UGGT2: variants seen among roughly 807,000 people sequenced by gnomAD.
UGGT2 encodes the protein UDP-glucose glycoprotein glucosyltransferase 2, also known as UDP-glucose:glycoprotein glucosyltransferase 2.
A neutral mutation model predicts 192.1 loss-of-function variants in UGGT2; 180 were observed. The observed-to-expected ratio is 0.94, with a 90% CI of 0.83 to 1.06. The LOEUF is 1.06. Ranked by LOEUF, UGGT2 falls within the 50% of genes least tolerant of loss-of-function variation. The pLI is 0.00. For missense variants in UGGT2, 1,849 were observed against 1,795.7 expected (o/e 1.03, Z -0.54); for synonymous variants, 580 against 591.0 (o/e 0.98, Z 0.27).
chr13:95,801,983 G>GATGTCT (rs1156462755), intron 38 of UGGT2, among the ~76,000 whole-genome samples, 171 bp from the exon 39 acceptor site: 1 of 152,160 alleles, frequency 6.6e-6, no homozygotes, highest in Non-Finnish European at 1.5e-5. Context: ...TGTACACTGT[G>GATGTCT]ATGTCTATTA....
intron 20 of UGGT2, among the ~76,000 whole-genome samples, chr13:95,915,575 C>T (rs964505935): frequency 6.6e-6 from 1 of 152,206 alleles, no homozygotes; most frequent in Non-Finnish European, 1.5e-5. Flanking sequence ...AAAAAATACA[C>T]TTATCCCTGT....
intron 37 of UGGT2, 75 bp downstream of exon 37, chr13:95,837,011 T>G: frequency 1.7e-6 from 2 of 1,188,786 alleles, no homozygotes; most frequent in Non-Finnish European, 2.5e-6. Flanking sequence ...ACTCCCTTTG[T>G]AAAACAGAAA....
intron 37 of UGGT2, among the ~76,000 whole-genome samples, chr13:95,833,503 G>A (rs924033563): frequency 2.0e-5 from 3 of 151,844 alleles, no homozygotes; most frequent in African/African-American, 7.3e-5. Context: ...GTGTGTGTAG[G>A]GTGTGTAGCT....
intron 4 of UGGT2, among the ~76,000 whole-genome samples, chr13:96,018,183 G>T (rs959965497): frequency 1.3e-5 from 2 of 152,044 alleles, no homozygotes; most frequent in East Asian, 3.9e-4. Flanking sequence ...AAAATCTATG[G>T]TCTGGAACTG....
chr13:95,886,556 T>A (rs1566638591), intron 26 of UGGT2, among the ~76,000 whole-genome samples: 1 of 152,168 alleles, frequency 6.6e-6, no homozygotes. Flanking sequence ...CTAAAAAATT[T>A]AAAGTTTTTG....
chr13:95,968,645 G>A (rs1031107443), intron 12 of UGGT2, among the ~76,000 whole-genome samples: 4 of 152,130 alleles, frequency 2.6e-5, no homozygotes, highest in Admixed American at 6.5e-5. Flanking sequence ...GCCCTCTGCT[G>A]CGAATTAAAG....
intron 20 of UGGT2, among the ~76,000 whole-genome samples, chr13:95,913,194 T>G (rs997192724): frequency 6.6e-6 from 1 of 152,132 alleles, no homozygotes; most frequent in Non-Finnish European, 1.5e-5. Context: ...ACTTCATGAC[T>G]AAAACACCAA....
chr13:95,947,826 A>T (rs1566741781), intron 14 of UGGT2, among the ~76,000 whole-genome samples, 170 bp downstream of exon 14: 1 of 152,188 alleles, frequency 6.6e-6, no homozygotes, highest in African/African-American at 2.4e-5. Context: ...AGATTTGATA[A>T]ACAGAGTCTA....
chr13:95,958,417 C>T (rs1437677755), intron 12 of UGGT2, among the ~76,000 whole-genome samples: 1 of 152,180 alleles, frequency 6.6e-6, no homozygotes, highest in African/African-American at 2.4e-5. Context: ...TCCCAAAGTG[C>T]TAGGATTACA....
At chr13:95,899,085 A>C (rs2140274833) in intron 22 of UGGT2, among the ~76,000 whole-genome samples, 1 of 152,278 alleles carries the variant, frequency 6.6e-6, no homozygotes. Context: ...AAAGAGTTCA[A>C]GACTGAAGGG....
intron 16 of UGGT2, among the ~76,000 whole-genome samples, chr13:95,938,914 TCAC>T (rs1388449348): frequency 1.3e-5 from 2 of 152,102 alleles, no homozygotes; most frequent in Non-Finnish European, 2.9e-5. Context: ...CTAATACATA[TCAC>T]CACACCTACT....
At chr13:96,024,014 C>T (rs192117905) in intron 2 of UGGT2, among the ~76,000 whole-genome samples, 27 of 152,194 alleles carry the variant, frequency 1.8e-4, no homozygotes, top group Admixed American at 1.4e-3. Flanking sequence ...TTGGAAACAC[C>T]AACATTTCAG....
At chr13:95,949,022 G>C (rs973205480) in intron 13 of UGGT2, among the ~76,000 whole-genome samples, 4 of 152,134 alleles carry the variant, frequency 2.6e-5, no homozygotes, top group Non-Finnish European at 5.9e-5. Context: ...GAAGAAGCAC[G>C]TTTGCTTCCC....
At chr13:95,857,999 GT>G (rs71113957) in intron 33 of UGGT2, among the ~76,000 whole-genome samples, 50,150 of 139,572 alleles carry the variant, frequency 0.36, 9,026 homozygotes, top group Non-Finnish European at 0.42. Context: ...TTCTTTTTCT[GT>G]TTTTTTTTTT....
intron 36 of UGGT2, among the ~76,000 whole-genome samples, chr13:95,841,865 A>G (rs972333097): frequency 6.6e-6 from 1 of 152,186 alleles, no homozygotes; most frequent in Admixed American, 6.5e-5. Flanking sequence ...ATTTTTATAT[A>G]TGATGTGAGG....
chr13:95,830,287 A>C (rs1297019062), intron 38 of UGGT2, among the ~76,000 whole-genome samples: 1 of 152,200 alleles, frequency 6.6e-6, no homozygotes, highest in Non-Finnish European at 1.5e-5. Context: ...AATGGGAACT[A>C]ACTAAACTAA....
At chr13:95,930,207 G>T (rs2049199535) in intron 17 of UGGT2, among the ~76,000 whole-genome samples, 1 of 152,054 alleles carries the variant, frequency 6.6e-6, no homozygotes, top group Admixed American at 6.5e-5. Flanking sequence ...AATATTTTCT[G>T]TATATTCTGT....
chr13:95,821,842 T>C (rs1216830880), intron 38 of UGGT2, among the ~76,000 whole-genome samples: 2 of 152,148 alleles, frequency 1.3e-5, no homozygotes, highest in African/African-American at 4.8e-5. Context: ...TTTATGTTTT[T>C]TAATGCTTTG....
chr13:95,911,570 C>T (rs540487148), intron 20 of UGGT2, among the ~76,000 whole-genome samples: 5 of 152,160 alleles, frequency 3.3e-5, no homozygotes, highest in East Asian at 1.9e-4. Context: ...AAATAACAGG[C>T]TCTGAAATTG....
Sources: gnomAD v4.1 joint callset for allele counts (sites outside exome capture counted in the v4.1 genomes callset) on GRCh38, gnomAD v4.1.1 for gene constraint, MANE v1.5 for transcripts, NCBI Gene and HGNC (gene_info 2026-07-23, HGNC 2026-07-21) for gene names.